AKAP13: variants seen among roughly 807,000 people sequenced by gnomAD.
The protein encoded by AKAP13 is A-kinase anchoring protein 13.
Under a neutral mutation model 264.5 loss-of-function variants are expected in AKAP13, and 80 were observed. That is an observed-to-expected ratio of 0.30 (90% CI 0.25 to 0.36). The LOEUF is 0.36. Ranked by LOEUF, AKAP13 falls within the 10% of genes least tolerant of loss-of-function variation. AKAP13 has a pLI of 1.00. For missense variants in AKAP13, 3,712 were observed against 3,435.2 expected (o/e 1.08, Z -2.01); for synonymous variants, 1,380 against 1,250.2 (o/e 1.10, Z -2.19).
chr15:85,572,879 C>G (rs1294868008), intron 5 of AKAP13, among the ~76,000 whole-genome samples: 1 of 152,138 alleles, frequency 6.6e-6, no homozygotes, highest in Non-Finnish European at 1.5e-5. Context: ...TCCATGTGTT[C>G]TTATTGTTCA....
At chr15:85,598,310 C>T (rs962261030) in intron 8 of AKAP13, among the ~76,000 whole-genome samples, 1 of 152,090 alleles carries the variant, frequency 6.6e-6, no homozygotes, top group Non-Finnish European at 1.5e-5. Flanking sequence ...AGCATCAGAG[C>T]CTGTGTAGTG....
chr15:85,736,794 CT>C (rs2088553972), intron 33 of AKAP13, among the ~76,000 whole-genome samples: 1 of 152,018 alleles, frequency 6.6e-6, no homozygotes, highest in Admixed American at 6.6e-5. Context: ...TCATAGCAGC[CT>C]TTTCTCTATC....
intron 14 of AKAP13, among the ~76,000 whole-genome samples, chr15:85,679,533 C>G (rs1402896887): frequency 6.6e-6 from 1 of 152,126 alleles, no homozygotes; most frequent in East Asian, 1.9e-4. Context: ...CGTTGTGTTA[C>G]GTTGTGGATT....
At chr15:85,539,528 A>G (rs1184050369) in intron 4 of AKAP13, among the ~76,000 whole-genome samples, 1 of 152,216 alleles carries the variant, frequency 6.6e-6, no homozygotes, top group Non-Finnish European at 1.5e-5. Flanking sequence ...GGGGTAGGAG[A>G]GTAGTCCTTG....
rs16940270 is a variant in AKAP13 at position 85,477,972 on chromosome 15, A to G, written c.-11-7738A>G. On this transcript the variant is annotated intron_variant, in intron 1 of 36. Transcript: ENST00000394518. ...ATATCTGGCGCGTGCTGTTCCTTCT[A>G]TCCTGTGCTTCTCCTCCTGTGTCCA... Among the ~76,000 whole-genome samples the G allele has an allele frequency of 1.7e-4, 26 of 152,200 alleles. No individual in the cohort carries two copies. The East Asian group carries it at 3.9e-3, about 23-fold the overall frequency.
chr15:85,538,297 T>C (rs977290415), intron 4 of AKAP13, among the ~76,000 whole-genome samples: 2 of 152,112 alleles, frequency 1.3e-5, no homozygotes, highest in African/African-American at 4.8e-5. Flanking sequence ...CTGATCATCT[T>C]TGGGGGCAAG....
chr15:85,525,951 C>T (rs1394331548), intron 3 of AKAP13, among the ~76,000 whole-genome samples: 2 of 152,176 alleles, frequency 1.3e-5, no homozygotes, highest in Non-Finnish European at 2.9e-5. Flanking sequence ...GGCTTTGGTG[C>T]AGAATCTTTC....
At chr15:85,733,426 T>C (rs1257184171) in intron 30 of AKAP13, among the ~76,000 whole-genome samples, 1 of 152,220 alleles carries the variant, frequency 6.6e-6, no homozygotes, top group Non-Finnish European at 1.5e-5. Flanking sequence ...TTTACAAGAA[T>C]ATTCCTTGGT....
chr15:85,747,377 A>G lies in AKAP13; in HGVS notation c.*2700A>G, dbSNP rs2089400822. The G allele has an allele frequency of 3.5e-5, 5 of 142,484 alleles. No individual in the cohort carries two copies. In the South Asian group the frequency reaches 1.2e-3, roughly 34 times the overall value. The allele number at this position is 142,484 out of a possible 1,614,324, so 8.8% of individuals were successfully genotyped here. A position where few individuals can be genotyped will look rare whatever the true frequency, so the allele number is the denominator to read the frequency against. The stretch of plus-strand genomic sequence containing the variant: ...AATGGCCTGTCTTGGTTTCTATCAC[A>G]TGAGAAGGGGTTGTTTTTTTGGGGT... On this transcript the variant is annotated 3_prime_UTR_variant, in exon 37 of 37. Transcript: ENST00000394518.
intron 1 of AKAP13, among the ~76,000 whole-genome samples, chr15:85,438,708 G>T (rs1281219600): frequency 6.6e-6 from 1 of 151,078 alleles, no homozygotes; most frequent in African/African-American, 2.4e-5. Context: ...AGAAAAACAA[G>T]CAATGGGGAA....
intron 1 of AKAP13, among the ~76,000 whole-genome samples, chr15:85,421,990 C>G (rs984479533): frequency 2.0e-5 from 3 of 152,170 alleles, no homozygotes; most frequent in African/African-American, 7.2e-5. Flanking sequence ...GTAGGTGCTT[C>G]AGTATATGTC....
At chr15:85,414,561 A>G (rs2072142886) in intron 1 of AKAP13, among the ~76,000 whole-genome samples, 1 of 152,222 alleles carries the variant, frequency 6.6e-6, no homozygotes, top group Non-Finnish European at 1.5e-5. Flanking sequence ...ATTAATACAT[A>G]TGGTATAGGT....
intron 18 of AKAP13, among the ~76,000 whole-genome samples, chr15:85,709,808 C>T (rs1331323229): frequency 6.6e-6 from 1 of 152,058 alleles, no homozygotes; most frequent in Non-Finnish European, 1.5e-5. Flanking sequence ...TTGCCTCAGC[C>T]TCCCAAGTAG....
chr15:85,447,347 G>A (rs2073936224), intron 1 of AKAP13, among the ~76,000 whole-genome samples: 1 of 151,698 alleles, frequency 6.6e-6, no homozygotes, highest in African/African-American at 2.4e-5. Flanking sequence ...ATATGGACCT[G>A]GATTTGATTT....
chr15:85,579,146 G>T lies in AKAP13; in HGVS notation c.1078G>T (p.Val360Phe). The change falls in exon 7 of 37, where the codon GTT (valine) becomes TTT (phenylalanine). Residue 360 changes from valine to phenylalanine, a missense_variant. Physicochemically the swap from Val to Phe is conservative, Grantham distance 50. Around this residue, in one of 3 missense-constraint regions of AKAP13, gnomAD observed 2,759 missense variants for 2,411.7 expected, o/e 1.14. Transcript: ENST00000394518. ...TESPCDLSSIVEEENTDRSCR... is the reference protein window; with the variant it reads ...TESPCDLSSIFEEENTDRSCR... ...AAGTCCCTGTGATTTGTCAAGCATAGTTGAGGAGGAGAATACAGACCGTTC... is the reference window on the plus strand; with the variant it reads ...AAGTCCCTGTGATTTGTCAAGCATATTTGAGGAGGAGAATACAGACCGTTC... 6.2e-7 allele frequency: 1 copy of T among 1,614,192 alleles called. No homozygotes were observed. Among genetic ancestry groups the T allele is most frequent in the East Asian group, 2.2e-5 (1 of 44,880 alleles).
At chr15:85,418,506 T>A (rs1345084773) in intron 1 of AKAP13, among the ~76,000 whole-genome samples, 2 of 152,232 alleles carry the variant, frequency 1.3e-5, no homozygotes, top group African/African-American at 4.8e-5. Context: ...GGTGGCTCTA[T>A]AATGGGATTG....
At chr15:85,600,318 T>TAAAAAAA (rs5814205) in intron 8 of AKAP13, among the ~76,000 whole-genome samples, 2 of 134,302 alleles carry the variant, frequency 1.5e-5, no homozygotes, top group African/African-American at 2.8e-5. Context: ...AGCTTAGATT[T>TAAAAAAA]AAAAAAAAAA....
At chr15:85,665,306 T>C (rs1403064349) in intron 13 of AKAP13, among the ~76,000 whole-genome samples, 4 of 152,240 alleles carry the variant, frequency 2.6e-5, no homozygotes, top group Admixed American at 2.6e-4. Context: ...GGATATTAAA[T>C]TGAGTTTTTC....
In AKAP13 at chr15:85,581,103, G is replaced by T; in HGVS notation, c.3035G>T (p.Gly1012Val). ...APQVSLLTQG[G>V]AAQSLVPPGA... ...CAAGTCTCACTGCTGACTCAAGGTG[G>T]GGCTGCCCAGAGCCTGGTGCCACCA... The change falls in exon 7 of 37, where the codon GGG becomes GTG. Residue 1012 changes from glycine to valine, a missense_variant. Gly to Val is a moderately radical substitution (Grantham distance 109, BLOSUM62 -3). This residue lies in a region of AKAP13 where 2,759 missense variants were observed against 2,411.7 expected (regional missense o/e 1.14). Coordinates refer to ENST00000394518, the MANE Select transcript of AKAP13 (RefSeq NM_007200.5). 6.2e-7 allele frequency: 1 copy of T among 1,613,960 alleles called. No homozygotes were observed. Among genetic ancestry groups the T allele is most frequent in the African/African-American group, 1.3e-5 (1 of 75,030 alleles).
Sources: gnomAD v4.1 joint callset for allele counts (sites outside exome capture counted in the v4.1 genomes callset) on GRCh38, gnomAD v4.1.1 for gene constraint, gnomAD v4.1.1 regional missense constraint, MANE v1.5 for transcripts, NCBI Gene and HGNC (gene_info 2026-07-23, HGNC 2026-07-21) for gene names.